CRB1: variants seen among roughly 807,000 people sequenced by gnomAD.
CRB1 encodes the protein crumbs cell polarity complex component 1.
In CRB1, 83 loss-of-function variants were observed where a neutral mutation model predicts 120.0. The ratio of observed to expected loss-of-function variants is 0.69; its 90% CI spans 0.58 to 0.83. The LOEUF (loss-of-function observed/expected upper bound fraction) is 0.83, where lower values mean the gene tolerates loss of function less well. CRB1 is among the 40% of genes least tolerant of loss of function. The probability of loss-of-function intolerance (pLI) is 0.00; values close to 1 mark genes in which losing one functional copy is unlikely to be tolerated. For missense variants in CRB1, 1,699 were observed against 1,687.6 expected, an observed-to-expected ratio of 1.01 and a Z score of -0.12; for synonymous variants, 625 against 612.5, an observed-to-expected ratio of 1.02 and a Z score of -0.30.
At chr1:197,252,574 A>ATG in the CRB1 span, among the ~76,000 whole-genome samples, 25 of 41,818 alleles carry the variant, frequency 6.0e-4, no homozygotes, top group East Asian at 9.4e-4. Flanking sequence ...ATATATATAT[A>ATG]TATATATATG....
At chr1:197,204,811 C>T in the CRB1 span, among the ~76,000 whole-genome samples, 1 of 152,188 alleles carries the variant, frequency 6.6e-6, no homozygotes, top group East Asian at 1.9e-4. Context: ...GTTTTTGTTG[C>T]ATTTGCTTTT....
rs370020738 is a variant in CRB1 at position 197,269,502 on chromosome 1, C to A, written c.70+1020C>A. On this transcript the variant is annotated intron_variant, in intron 1 of 11. Transcript: ENST00000367400. ...TGATCAGTATAATACTTGACTGCAA[C>A]GCACACTCACAAAAGATTTTTTTTC... 3.3e-5 allele frequency among the ~76,000 whole-genome samples: 5 copies of A among 152,078 alleles called. No homozygotes were observed. The East Asian group carries it at 7.7e-4, about 23-fold the overall frequency.
chr1:197,373,932 A>G lies in CRB1; in HGVS notation c.1171+16919A>G, dbSNP rs190455326. The stretch of plus-strand genomic sequence containing the variant: ...AGCAAAATAATCTAAAAATATGTCA[A>G]TATTAGCAAGGCACCAATGGTAGTC... On this transcript the variant is annotated intron_variant, in intron 5 of 11. Transcript: ENST00000367400. 1.5e-4 allele frequency among the ~76,000 whole-genome samples: 23 copies of G among 152,338 alleles called. 1 individual carries two copies. Among genetic ancestry groups the G allele is most frequent in the Admixed American group, 1.4e-3 (21 of 15,306 alleles).
chr1:197,364,250 AAAAAG>A (rs1385424958), intron 5 of CRB1, among the ~76,000 whole-genome samples: 5 of 152,240 alleles, frequency 3.3e-5, no homozygotes, highest in African/African-American at 7.2e-5. Flanking sequence ...TGCAAAAAAG[AAAAAG>A]AAAAGTGGCG....
chr1:197,285,255 T>C (rs1302593532), intron 1 of CRB1, among the ~76,000 whole-genome samples: 1 of 151,888 alleles, frequency 6.6e-6, no homozygotes, highest in Non-Finnish European at 1.5e-5. Flanking sequence ...AGATGGTAGC[T>C]AAACTATTTT....
At chr1:197,387,628 A>G (rs1283354495) in intron 5 of CRB1, among the ~76,000 whole-genome samples, 1 of 152,024 alleles carries the variant, frequency 6.6e-6, no homozygotes, top group Non-Finnish European at 1.5e-5. Context: ...CCTTCAGTTA[A>G]AGGAAATGAA....
At chr1:197,417,140 G>C (rs1168425641) in intron 5 of CRB1, among the ~76,000 whole-genome samples, 1 of 152,168 alleles carries the variant, frequency 6.6e-6, no homozygotes, top group African/African-American at 2.4e-5. Flanking sequence ...CAAATTGAGG[G>C]CTGGATGCCA....
At chr1:197,353,069 G>C (rs1327098329) in intron 4 of CRB1, among the ~76,000 whole-genome samples, 1 of 152,162 alleles carries the variant, frequency 6.6e-6, no homozygotes, top group Non-Finnish European at 1.5e-5. Context: ...CCTGCTGAGG[G>C]AGGAAACCAT....
chr1:197,231,717 A>G, the CRB1 span, among the ~76,000 whole-genome samples: 2 of 152,246 alleles, frequency 1.3e-5, no homozygotes, highest in Non-Finnish European at 2.9e-5. Context: ...AAAGATCACC[A>G]GATACCTAGT....
rs1023174469 is a variant in CRB1, at chr1:197,362,575, G to A, written c.1171+5562G>A. On this transcript the variant is annotated intron_variant, in intron 5 of 11. Coordinates refer to ENST00000367400, the MANE Select transcript of CRB1 (RefSeq NM_201253.3). ...TGTTGTTTGATATATACACATTTAGGGTCATTATGTCTTCCTGGTGTGCTG... is the reference window on the plus strand; with the variant it reads ...TGTTGTTTGATATATACACATTTAGAGTCATTATGTCTTCCTGGTGTGCTG... Among the ~76,000 whole-genome samples the A allele has an allele frequency of 2.0e-3, 301 of 151,892 alleles. 3 individuals carry two copies. The highest frequency in any genetic ancestry group is 1.9e-3 in the East Asian group (10 of 5,172).
intron 1 of CRB1, among the ~76,000 whole-genome samples, chr1:197,310,826 T>C (rs1268848654): frequency 1.3e-5 from 2 of 152,172 alleles, no homozygotes; most frequent in South Asian, 2.1e-4. Context: ...GGAAATATCA[T>C]ATGCTTCTCT....
intron 6 of CRB1, among the ~76,000 whole-genome samples, chr1:197,424,491 A>G (rs1039533819): frequency 6.6e-6 from 1 of 152,186 alleles, no homozygotes; most frequent in African/African-American, 2.4e-5. Context: ...CCGACACTTC[A>G]TCAGCTGCTT....
chr1:197,356,979 A>G lies in CRB1; in HGVS notation c.1137A>G (p.Ser379=). ...LPSSFSYHEA[S]GYVCICQPGF... ...CTTCTTTCAGCTACCATGAAGCCTCAGGTTATGTCTGTATCTGTCAGCCTG... is the reference window on the plus strand; with the variant it reads ...CTTCTTTCAGCTACCATGAAGCCTCGGGTTATGTCTGTATCTGTCAGCCTG... The change falls in exon 5 of 12, where the codon TCA becomes TCG. Residue 379 remains serine (S), a synonymous_variant. Transcript: ENST00000367400. The G allele has an allele frequency of 1.2e-6, 2 of 1,614,178 alleles. No individual in the cohort carries two copies. Among genetic ancestry groups the G allele is most frequent in the Non-Finnish European group, 1.7e-6 (2 of 1,180,026 alleles).
At chr1:197,210,794 G>C in the CRB1 span, among the ~76,000 whole-genome samples, 7 of 152,108 alleles carry the variant, frequency 4.6e-5, no homozygotes, top group Non-Finnish European at 1.0e-4. Context: ...GGGCCCATAA[G>C]AGAGAGTATA....
chr1:197,219,059 A>G, the CRB1 span, among the ~76,000 whole-genome samples: 1 of 152,180 alleles, frequency 6.6e-6, no homozygotes, highest in Admixed American at 6.5e-5. Flanking sequence ...AAGTGAATTG[A>G]AAGTGCTGGT....
chr1:197,309,836 C>A (rs1434753960), intron 1 of CRB1, among the ~76,000 whole-genome samples: 1 of 151,896 alleles, frequency 6.6e-6, no homozygotes, highest in African/African-American at 2.4e-5. Context: ...GAAGGTTACA[C>A]ACAGAGAACT....
chr1:197,329,257 A>G (rs1658714545), intron 2 of CRB1, among the ~76,000 whole-genome samples: 1 of 152,212 alleles, frequency 6.6e-6, no homozygotes, highest in Admixed American at 6.5e-5. Flanking sequence ...TTCAGTCTAG[A>G]ATGAATGAGG....
At chr1:197,274,496 A>G (rs549680327) in intron 1 of CRB1, among the ~76,000 whole-genome samples, 1 of 152,150 alleles carries the variant, frequency 6.6e-6, no homozygotes, top group Middle Eastern at 3.4e-3. Flanking sequence ...AATTGGATTG[A>G]CTCTTTGTAC....
chr1:197,445,156 GT>G (rs1272171356), intron 11 of CRB1, among the ~76,000 whole-genome samples: 1 of 152,164 alleles, frequency 6.6e-6, no homozygotes, highest in Non-Finnish European at 1.5e-5. Flanking sequence ...AAGAGGGGCT[GT>G]TTTACCTAAA....
Sources: allele counts gnomAD v4.1 joint callset (sites outside exome capture counted in the v4.1 genomes callset), GRCh38; gene constraint gnomAD v4.1.1; transcripts MANE v1.5; gene names NCBI Gene and HGNC (gene_info 2026-07-23, HGNC 2026-07-21).